The following ST8SIA6 variants were observed in gnomAD, a reference collection of about 807,000 sequenced individuals.
The protein encoded by ST8SIA6 is alpha-2,8-sialyltransferase 8F.
Under a neutral mutation model 33.6 loss-of-function variants are expected in ST8SIA6, and 39 were observed. That is an observed-to-expected ratio of 1.16 (90% CI 0.90 to 1.52). The LOEUF (loss-of-function observed/expected upper bound fraction) is 1.52. ST8SIA6 is among the 40% of genes most tolerant of loss of function. The probability of loss-of-function intolerance (pLI) is 0.00; values close to 1 mark genes in which losing one functional copy is unlikely to be tolerated. For synonymous variants in ST8SIA6, 172 were observed against 167.2 expected (o/e 1.03, Z -0.22); for missense variants, 441 against 443.8 (o/e 0.99, Z 0.06).
At chr10:17,378,441 T>C (rs1849993442) in intron 3 of ST8SIA6, among the ~76,000 whole-genome samples, 1 of 152,156 alleles carries the variant, frequency 6.6e-6, no homozygotes, top group Non-Finnish European at 1.5e-5. Flanking sequence ...TGCACATCTG[T>C]CAAGGAATAT....
intron 5 of ST8SIA6, among the ~76,000 whole-genome samples, chr10:17,327,538 A>G (rs1848172646): frequency 6.6e-6 from 1 of 152,160 alleles, no homozygotes; most frequent in African/African-American, 2.4e-5. Flanking sequence ...GTGAGCCAAG[A>G]TGGCACCACT....
At chr10:17,444,569 T>G (rs1852630843) in intron 2 of ST8SIA6, among the ~76,000 whole-genome samples, 1 of 152,138 alleles carries the variant, frequency 6.6e-6, no homozygotes, top group Non-Finnish European at 1.5e-5. Context: ...GGCTCTCCTG[T>G]GCACGTGAAA....
intron 4 of ST8SIA6, among the ~76,000 whole-genome samples, chr10:17,340,819 AAG>A (rs1265216984): frequency 6.6e-6 from 1 of 152,230 alleles, no homozygotes; most frequent in Admixed American, 6.5e-5. Flanking sequence ...CAAAAAATAA[AAG>A]AGCTTTCTGG....
chr10:17,453,548 C>T lies in ST8SIA6; in HGVS notation c.200+11G>A. ...CGAGCCCCAGTCCGCCCGCGCTGGG[C>T]GCCGCTGTACCTGTTAGTGGCGCGC... On this transcript the variant is annotated intron_variant, in intron 2 of 7. Transcript: ENST00000377602. The T allele has an allele frequency of 7.7e-7, 1 of 1,293,856 alleles. No individual in the cohort carries two copies. The highest frequency in any genetic ancestry group is 9.9e-7 in the Non-Finnish European group (1 of 1,012,598). 80.1% of individuals were successfully genotyped at this position (1,293,856 alleles called of 1,614,324 possible). A position where few individuals can be genotyped will look rare whatever the true frequency, so the allele number is the denominator to read the frequency against.
At chr10:17,352,329 G>C (rs1269088947) in intron 4 of ST8SIA6, among the ~76,000 whole-genome samples, 3 of 152,140 alleles carry the variant, frequency 2.0e-5, no homozygotes, top group African/African-American at 7.2e-5. Context: ...TATTTGAGTA[G>C]AGTGTCAGAA....
rs1282966672 is a variant in ST8SIA6, at chr10:17,390,393, AACAGGAGCTT to A, written c.290+128_290+137del. On this transcript the variant is annotated intron_variant, in intron 3 of 7. Coordinates refer to ENST00000377602, the MANE Select transcript of ST8SIA6 (RefSeq NM_001004470.3). ...TGGCCCCAGGTCCATCATGCTCATT[AACAGGAGCTT>A]CAGAGCCCAATGGTAAGCCTGAGAG... 23 of 688,230 alleles carry A rather than the reference AACAGGAGCTT, an allele frequency of 3.3e-5. No individual in the cohort carries two copies. The Admixed American group carries it at 4.9e-4, about 15-fold the overall frequency. The allele number at this position is 688,230 out of a possible 1,614,324, so 42.6% of individuals were successfully genotyped here.
chr10:17,357,269 G>A (rs1335122602), intron 4 of ST8SIA6, among the ~76,000 whole-genome samples: 2 of 151,358 alleles, frequency 1.3e-5, no homozygotes, highest in Non-Finnish European at 2.9e-5. Flanking sequence ...GGGATTACAA[G>A]TGCATGCCAC....
chr10:17,359,635 T>G lies in ST8SIA6; in HGVS notation c.291-35A>C, dbSNP rs899010670. On this transcript the variant is annotated intron_variant, in intron 3 of 7. Transcript: ENST00000377602. ...AAATGTCAATATAATTAGAAAATAA[T>G]GATCTCATATGTAAGTCTTCTTAGA... The G allele has an allele frequency of 2.2e-6, 3 of 1,337,694 alleles. No individual in the cohort carries two copies. The African/African-American group carries it at 4.4e-5, about 20-fold the overall frequency. 82.9% of individuals were successfully genotyped at this position (1,337,694 alleles called of 1,614,324 possible).
intron 3 of ST8SIA6, among the ~76,000 whole-genome samples, chr10:17,390,231 C>T (rs1024751503): frequency 4.6e-5 from 7 of 152,262 alleles, no homozygotes; most frequent in Non-Finnish European, 5.9e-5. Flanking sequence ...AATCCTCTAG[C>T]CTCTGCCTCC....
At chr10:17,405,620 A>G (rs1206999807) in intron 2 of ST8SIA6, among the ~76,000 whole-genome samples, 2 of 150,438 alleles carry the variant, frequency 1.3e-5, no homozygotes, top group African/African-American at 4.9e-5. Context: ...GTGGTGGCTC[A>G]TTCCTGTAAT....
At position 17,319,827 on chromosome 10, in the gene ST8SIA6, G is replaced by A. The variant is rs1564395909; in HGVS notation, c.*1051C>T. The stretch of plus-strand genomic sequence containing the variant: ...TTTCTAATATCATCAATGGTTTCAG[G>A]CATCCACAGGGGGTCTTCCCATATC... On this transcript the variant is annotated 3_prime_UTR_variant, in exon 8 of 8. Transcript: ENST00000377602. 6.6e-6 allele frequency: 1 copy of A among 151,986 alleles called. No homozygotes were observed. Among genetic ancestry groups the A allele is most frequent in the Non-Finnish European group, 1.5e-5 (1 of 67,994 alleles). The allele number at this position is 151,986 out of a possible 1,614,324, so 9.4% of individuals were successfully genotyped here. A position where few individuals can be genotyped will look rare whatever the true frequency, so the allele number is the denominator to read the frequency against.
At position 17,361,640 on chromosome 10, in the gene ST8SIA6, G is replaced by A. The variant is rs1460644438; in HGVS notation, c.291-2040C>T. On this transcript the variant is annotated intron_variant, in intron 3 of 7. Coordinates refer to ENST00000377602, the MANE Select transcript of ST8SIA6 (RefSeq NM_001004470.3). ...GCAAAGTCTTCTAGAAAATTGAAGG[G>A]AGTAAGATACTTCCCAACTCACTAT... Among the ~76,000 whole-genome samples, 4 of 149,864 alleles carry A rather than the reference G, an allele frequency of 2.7e-5. No homozygotes were observed. The Admixed American group carries it at 2.7e-4, about 10-fold the overall frequency.
At chr10:17,434,682 G>C (rs927292829) in intron 2 of ST8SIA6, among the ~76,000 whole-genome samples, 1 of 152,100 alleles carries the variant, frequency 6.6e-6, no homozygotes, top group Non-Finnish European at 1.5e-5. Flanking sequence ...CACAAATACA[G>C]CCTGTACGCA....
At chr10:17,422,655 A>G (rs1344791907) in intron 2 of ST8SIA6, among the ~76,000 whole-genome samples, 1 of 152,232 alleles carries the variant, frequency 6.6e-6, no homozygotes, top group East Asian at 1.9e-4. Flanking sequence ...CACTTAGTGA[A>G]ACGGACTGTA....
At chr10:17,445,649 T>A (rs1852678345) in intron 2 of ST8SIA6, among the ~76,000 whole-genome samples, 1 of 152,246 alleles carries the variant, frequency 6.6e-6, no homozygotes, top group Non-Finnish European at 1.5e-5. Flanking sequence ...CTGTCCCCAG[T>A]GCCCCTTCAT....
intron 2 of ST8SIA6, among the ~76,000 whole-genome samples, chr10:17,404,712 G>A (rs535629498): frequency 2.6e-5 from 4 of 152,138 alleles, no homozygotes; most frequent in East Asian, 1.9e-4. Flanking sequence ...ACCCCGCTGC[G>A]CTGCTCCTTG....
At chr10:17,413,762 G>A (rs536854672) in intron 2 of ST8SIA6, among the ~76,000 whole-genome samples, 13 of 152,182 alleles carry the variant, frequency 8.5e-5, no homozygotes, top group Non-Finnish European at 1.6e-4. Context: ...GATAGTTGTA[G>A]TAGAATGGCC....
chr10:17,328,583 G>C (rs1848205487), intron 5 of ST8SIA6, among the ~76,000 whole-genome samples: 1 of 152,132 alleles, frequency 6.6e-6, no homozygotes, highest in African/African-American at 2.4e-5. Flanking sequence ...TAGGATTAAG[G>C]TGTAAGTCCT....
At chr10:17,451,163 G>C (rs796866839) in intron 2 of ST8SIA6, among the ~76,000 whole-genome samples, 1 of 152,124 alleles carries the variant, frequency 6.6e-6, no homozygotes, top group South Asian at 2.1e-4. Context: ...GCAAAGTCAT[G>C]GAATCAACCT....
Sources: allele counts gnomAD v4.1 joint callset (sites outside exome capture counted in the v4.1 genomes callset), GRCh38; gene constraint gnomAD v4.1.1; transcripts MANE v1.5; gene names NCBI Gene and HGNC (gene_info 2026-07-23, HGNC 2026-07-21).